Variants in PLA2G4D observed in about 807,000 individuals in gnomAD.
The protein encoded by PLA2G4D is phospholipase A2 group IVD.
A neutral mutation model predicts 94.4 loss-of-function variants in PLA2G4D; 80 were observed. The ratio of observed to expected loss-of-function variants is 0.85; its 90% CI spans 0.71 to 1.02. PLA2G4D has a LOEUF of 1.02. Among genes scored for constraint, PLA2G4D ranks in the 50% least tolerant of loss-of-function variants. The probability of loss-of-function intolerance (pLI) is 0.00; values close to 1 mark genes in which losing one functional copy is unlikely to be tolerated. For synonymous variants in PLA2G4D, 438 were observed against 440.9 expected, an observed-to-expected ratio of 0.99 and a Z score of 0.08; for missense variants, 1,050 against 1,034.7, an observed-to-expected ratio of 1.01 and a Z score of -0.20.
chr15:42,077,085 G>A (rs1427849114), intron 13 of PLA2G4D, among the ~76,000 whole-genome samples: 2 of 152,160 alleles, frequency 1.3e-5, no homozygotes, highest in African/African-American at 4.8e-5. Flanking sequence ...GATTGAAGCA[G>A]TAATAAAATA....
chr15:42,072,869 T>C (rs1889855489), intron 13 of PLA2G4D, among the ~76,000 whole-genome samples: 1 of 152,220 alleles, frequency 6.6e-6, no homozygotes. Flanking sequence ...TCCTCCCGAA[T>C]GCTTTCCTGA....
chr15:42,088,162 A>G (rs1476922715), intron 1 of PLA2G4D, among the ~76,000 whole-genome samples: 1 of 152,156 alleles, frequency 6.6e-6, no homozygotes, highest in Non-Finnish European at 1.5e-5. Flanking sequence ...CATATGACTT[A>G]AGGGAGGGTG....
intron 1 of PLA2G4D, among the ~76,000 whole-genome samples, chr15:42,088,759 C>T (rs1890198975): frequency 6.6e-6 from 1 of 152,124 alleles, no homozygotes. Flanking sequence ...CAGAAAGAGC[C>T]CATGTCCAGA....
At chr15:42,083,604 G>T in intron 7 of PLA2G4D, 112 bp downstream of exon 7, 1 of 1,336,878 alleles carries the variant, frequency 7.5e-7, no homozygotes. Flanking sequence ...GGTGAGAAGA[G>T]AGAGGCAAGC....
chr15:42,069,754 G>A (rs1305036113), intron 19 of PLA2G4D, among the ~76,000 whole-genome samples, 155 bp downstream of exon 19: 1 of 152,226 alleles, frequency 6.6e-6, no homozygotes, highest in African/African-American at 2.4e-5. Flanking sequence ...AAGGAGGCCA[G>A]GGTGGGCTCC....
chr15:42,069,909 CG>C lies in PLA2G4D; in HGVS notation c.2229del (p.Gly744ValfsTer28). The C allele has an allele frequency of 7.1e-7, 1 of 1,413,686 alleles. No homozygotes were observed. Among genetic ancestry groups the C allele is most frequent in the South Asian group, 1.6e-5 (1 of 61,844 alleles). 87.6% of individuals were successfully genotyped at this position (1,413,686 alleles called of 1,614,324 possible). A position where few individuals can be genotyped will look rare whatever the true frequency, so the allele number is the denominator to read the frequency against. ...VNASFKDHSAPGVQRSPAELQ... is the reference protein window; with the variant it reads ...VNASFKDHSAXGVQRSPAELQ... ...GGGTGCTTGGGAGGGGCTGCCTCAC[CG>C]GGGGCTGAGTGGTCCTTGAAGGAGG... On this transcript the variant is annotated frameshift_variant and splice_region_variant, in exon 19 of 20. Transcript: ENST00000290472. LOFTEE classifies it low-confidence loss of function (END_TRUNC).
chr15:42,079,923 G>A (rs942063080), intron 12 of PLA2G4D, among the ~76,000 whole-genome samples, 164 bp from the exon 13 acceptor site: 7 of 152,172 alleles, frequency 4.6e-5, no homozygotes, highest in African/African-American at 1.7e-4. Flanking sequence ...CTAGATCAGC[G>A]CTGTCCAATA....
intron 1 of PLA2G4D, among the ~76,000 whole-genome samples, chr15:42,093,693 C>G (rs900407560): frequency 6.6e-6 from 1 of 152,224 alleles, no homozygotes; most frequent in Non-Finnish European, 1.5e-5. Flanking sequence ...AGCTGCTTGT[C>G]TGGATCCAGC....
At chr15:42,075,671 A>G (rs1889906267) in intron 13 of PLA2G4D, among the ~76,000 whole-genome samples, 1 of 152,098 alleles carries the variant, frequency 6.6e-6, no homozygotes, top group South Asian at 2.1e-4. Context: ...CAGATCACTC[A>G]AGGCCAGGAG....
At chr15:42,069,486 G>C (rs563462914) in intron 19 of PLA2G4D, among the ~76,000 whole-genome samples, 6 of 152,292 alleles carry the variant, frequency 3.9e-5, no homozygotes, top group Admixed American at 1.3e-4. Flanking sequence ...AGAGAAGATA[G>C]GAAGGAATGT....
chr15:42,071,654 A>ACCCCCCCCCC (rs1889821699), intron 15 of PLA2G4D, 103 bp from the exon 16 acceptor site: 3 of 1,393,886 alleles, frequency 2.2e-6, no homozygotes, highest in Non-Finnish European at 3.0e-6. Flanking sequence ...CCTACAATGC[A>ACCCCCCCCCC]TCCCCCCCGC....
chr15:42,082,413 C>T (rs79419176), intron 8 of PLA2G4D, 24 bp from the exon 9 acceptor site: 2 of 1,552,878 alleles, frequency 1.3e-6, no homozygotes, highest in African/African-American at 2.7e-5. Context: ...ATCATTCATT[C>T]ATTCATTCAT....
intron 1 of PLA2G4D, 130 bp downstream of exon 1, chr15:42,094,285 A>C: frequency 9.6e-7 from 1 of 1,042,696 alleles, no homozygotes. Flanking sequence ...TCTGCATCCC[A>C]AATCTCAGAC....
At chr15:42,072,443 G>T in intron 13 of PLA2G4D, 51 bp from the exon 14 acceptor site, 1 of 1,460,510 alleles carries the variant, frequency 6.8e-7, no homozygotes, top group Non-Finnish European at 9.5e-7. Context: ...TACCCTGGAG[G>T]CAGTGGCTCC....
At chr15:42,093,259 G>A (rs1018219363) in intron 1 of PLA2G4D, among the ~76,000 whole-genome samples, 6 of 152,232 alleles carry the variant, frequency 3.9e-5, no homozygotes, top group Non-Finnish European at 8.8e-5. Flanking sequence ...AGCTGGAGGC[G>A]AGGTGCTTTC....
chr15:42,079,976 T>C (rs1890006166), intron 12 of PLA2G4D, among the ~76,000 whole-genome samples: 1 of 152,260 alleles, frequency 6.6e-6, no homozygotes, highest in African/African-American at 2.4e-5. Flanking sequence ...AATTTCCTAG[T>C]AACCACATTA....
chr15:42,068,407 C>T lies in PLA2G4D; in HGVS notation c.*308G>A, dbSNP rs1889725444. 2.8e-6 allele frequency: 1 copy of T among 352,468 alleles called. No individual in the cohort carries two copies. 21.8% of individuals were successfully genotyped at this position (352,468 alleles called of 1,614,324 possible). On this transcript the variant is annotated 3_prime_UTR_variant, in exon 20 of 20. Transcript: ENST00000290472. ...TCCTGTCCCTACTCCTGATCTGCTGCCTCCGGCTTGCACTTCAAATCTATC... is the reference window on the plus strand; with the variant it reads ...TCCTGTCCCTACTCCTGATCTGCTGTCTCCGGCTTGCACTTCAAATCTATC...
chr15:42,070,106 G>A lies in PLA2G4D; in HGVS notation c.2044-11C>T, dbSNP rs1173843730. 2.0e-6 allele frequency: 3 copies of A among 1,488,140 alleles called. No homozygotes were observed. The highest frequency in any genetic ancestry group is 2.5e-5 in the Admixed American group (1 of 39,620). 92.2% of individuals were successfully genotyped at this position (1,488,140 alleles called of 1,614,324 possible). ...CGTCTGCTGCAGTGCCTGGTGGGGA[G>A]AAGGTGGCCCGGAGAGAACCAGCCC... On this transcript the variant is annotated splice_polypyrimidine_tract_variant and intron_variant, in intron 18 of 19. Transcript: ENST00000290472.
intron 13 of PLA2G4D, among the ~76,000 whole-genome samples, chr15:42,074,744 T>C (rs887515669): frequency 1.8e-4 from 27 of 152,176 alleles, no homozygotes; most frequent in African/African-American, 6.3e-4. Flanking sequence ...ATAGAGGTAA[T>C]AAATACCTGT....
Sources: allele counts gnomAD v4.1 joint callset (sites outside exome capture counted in the v4.1 genomes callset), GRCh38; gene constraint gnomAD v4.1.1; transcripts MANE v1.5; gene names NCBI Gene and HGNC (gene_info 2026-07-23, HGNC 2026-07-21).